Variants in AP3B2 observed in about 807,000 individuals in gnomAD.
The protein encoded by AP3B2 is adaptor related protein complex 3 subunit beta 2.
A neutral mutation model predicts 126.9 loss-of-function variants in AP3B2; 50 were observed. The ratio of observed to expected loss-of-function variants is 0.39; its 90% CI spans 0.31 to 0.50. The LOEUF (loss-of-function observed/expected upper bound fraction) is 0.50. Among genes scored for constraint, AP3B2 ranks in the 20% least tolerant of loss-of-function variants. AP3B2 has a pLI of 0.79. For synonymous variants in AP3B2, 541 were observed against 565.0 expected (o/e 0.96, Z 0.60); for missense variants, 1,177 against 1,426.4 (o/e 0.83, Z 2.82).
chr15:82,699,641 G>GCTGGCT (rs541690880), intron 1 of AP3B2: 3 of 400,012 alleles, frequency 7.5e-6, no homozygotes, highest in African/African-American at 4.1e-5. Flanking sequence ...TACCGTAGTG[G>GCTGGCT]CTGGCTCTGG....
At chr15:82,688,516 G>A (rs1678609708) in intron 4 of AP3B2, 4 of 702,834 alleles carry the variant, frequency 5.7e-6, no homozygotes, top group East Asian at 5.4e-5. Flanking sequence ...GAGAGACAGG[G>A]GCCCTGGGTA....
intron 20 of AP3B2, 71 bp downstream of exon 20, chr15:82,663,730 T>A: frequency 6.3e-7 from 1 of 1,598,248 alleles, no homozygotes; most frequent in Non-Finnish European, 8.5e-7. Flanking sequence ...GATAGATGTC[T>A]GGGCCTGGCC....
chr15:82,668,464 C>T (rs1225952599), intron 14 of AP3B2, among the ~76,000 whole-genome samples: 1 of 152,152 alleles, frequency 6.6e-6, no homozygotes, highest in Non-Finnish European at 1.5e-5. Flanking sequence ...GCTGCTGATC[C>T]CTCTTTTGGT....
chr15:82,690,642 C>CTTTTTTTTTTTTTTTTTTTTT (rs147811093), intron 1 of AP3B2, among the ~76,000 whole-genome samples: 1 of 68,926 alleles, frequency 1.5e-5, no homozygotes, highest in Non-Finnish European at 2.6e-5. Flanking sequence ...TTTTCTTCTT[C>CTTTTTTTTTTTTTTTTTTTTT]TTTTTTTTTT....
Position 82,709,712 on chromosome 15 carries a change from G to A in AP3B2, c.-6C>T, listed in dbSNP as rs1385052769. 6 of 1,472,628 alleles carry A rather than the reference G, an allele frequency of 4.1e-6. No individual in the cohort carries two copies. In the Admixed American group the frequency reaches 6.7e-5, roughly 17 times the overall value. The allele number at this position is 1,472,628 out of a possible 1,614,324, so 91.2% of individuals were successfully genotyped here. ...TAGGCGGGGGCGGCCGACATGGGGC[G>A]GCCAGGGAGACTTCGCCGAGGAGGA... On this transcript the variant is annotated 5_prime_UTR_variant, in exon 1 of 27. Transcript: ENST00000535359.
intron 14 of AP3B2, among the ~76,000 whole-genome samples, chr15:82,669,847 C>A (rs2048118518): frequency 6.8e-6 from 1 of 147,448 alleles, no homozygotes; most frequent in South Asian, 2.2e-4. Flanking sequence ...ACTAAAAATA[C>A]AAAATTAGCT....
chr15:82,671,496 T>G (rs1275031023), intron 14 of AP3B2, among the ~76,000 whole-genome samples: 1 of 152,124 alleles, frequency 6.6e-6, no homozygotes, highest in Non-Finnish European at 1.5e-5. Flanking sequence ...CCCAGCACTT[T>G]GGGAGGCCGA....
chr15:82,666,957 T>C, intron 14 of AP3B2, 24 bp from the exon 15 acceptor site: 1 of 1,597,758 alleles, frequency 6.3e-7, no homozygotes, highest in African/African-American at 1.3e-5. Flanking sequence ...AAGAGGTGGG[T>C]CAGCTGACGG....
chr15:82,697,832 G>A (rs1010938250), intron 1 of AP3B2: 5 of 152,214 alleles, frequency 3.3e-5, no homozygotes, highest in African/African-American at 1.2e-4. Context: ...GTCAGGCCAG[G>A]GCCAGAAGAC....
At chr15:82,662,316 C>G in intron 23 of AP3B2, 64 bp from the exon 24 acceptor site, 2 of 1,238,194 alleles carry the variant, frequency 1.6e-6, no homozygotes, top group Non-Finnish European at 2.3e-6. Flanking sequence ...GGTCTAGAAC[C>G]CAGCCTAGCC....
chr15:82,670,409 C>T (rs1020641940), intron 14 of AP3B2, among the ~76,000 whole-genome samples: 1 of 152,126 alleles, frequency 6.6e-6, no homozygotes, highest in African/African-American at 2.4e-5. Context: ...CACGCCTGGC[C>T]GTGAATTCAT....
intron 1 of AP3B2, among the ~76,000 whole-genome samples, chr15:82,702,039 T>C (rs2048726411): frequency 6.6e-6 from 1 of 152,216 alleles, no homozygotes; most frequent in Non-Finnish European, 1.5e-5. Context: ...CACTTTCCAC[T>C]GTTCTCTGGT....
intron 1 of AP3B2, among the ~76,000 whole-genome samples, chr15:82,704,174 G>A (rs1567277268): frequency 6.6e-6 from 1 of 152,128 alleles, no homozygotes. Context: ...CCAGTTCATG[G>A]CTCGTTGGGC....
rs1371035072 is a variant in AP3B2, at chr15:82,664,754, A to G, written c.2137+81T>C. ...GGTGCACACCCCTAGACACACAACC[A>G]TATACATATACCCCTCATATAGTCA... is the stretch of plus-strand genomic sequence containing the variant. On this transcript the variant is annotated intron_variant, in intron 18 of 26. Coordinates refer to ENST00000535359, the MANE Select transcript of AP3B2 (RefSeq NM_001278512.2). The surrounding 1 kb of genome is among the most constrained non-coding windows in gnomAD (Gnocchi z 4.5). 5.2e-6 allele frequency: 6 copies of G among 1,150,752 alleles called. No homozygotes were observed. Among genetic ancestry groups the G allele is most frequent in the African/African-American group, 1.5e-5 (1 of 65,102 alleles). The allele number at this position is 1,150,752 out of a possible 1,614,324, so 71.3% of individuals were successfully genotyped here.
chr15:82,692,745 C>G (rs375293771), intron 1 of AP3B2: 1 of 152,340 alleles, frequency 6.6e-6, no homozygotes, highest in Non-Finnish European at 1.5e-5. Context: ...AAAGCCAGAC[C>G]TGTCACTGAA....
In AP3B2 at chr15:82,659,345, G is replaced by A; in HGVS notation, c.*215C>T. On this transcript the variant is annotated 3_prime_UTR_variant, in exon 27 of 27. Coordinates refer to ENST00000535359, the MANE Select transcript of AP3B2 (RefSeq NM_001278512.2). ...CTACAGAAATCTGGGAGGACTGAAG[G>A]GAGTGGCTGCCATCTCTCTCTGCAC... The A allele has an allele frequency of 1.9e-6, 1 of 530,192 alleles. No individual in the cohort carries two copies. Among genetic ancestry groups the A allele is most frequent in the Non-Finnish European group, 3.3e-6 (1 of 302,536 alleles). 32.8% of individuals were successfully genotyped at this position (530,192 alleles called of 1,614,324 possible). A position where few individuals can be genotyped will look rare whatever the true frequency, so the allele number is the denominator to read the frequency against.
intron 1 of AP3B2, among the ~76,000 whole-genome samples, chr15:82,701,420 A>C (rs1477624623): frequency 1.3e-5 from 2 of 152,318 alleles, no homozygotes; most frequent in Admixed American, 6.5e-5. Context: ...AAGAAACAAA[A>C]AAAAAAACCC....
chr15:82,707,397 CCA>C (rs1231589559), intron 1 of AP3B2, among the ~76,000 whole-genome samples: 2 of 152,158 alleles, frequency 1.3e-5, no homozygotes, highest in African/African-American at 4.8e-5. Flanking sequence ...TTATTAGGCC[CCA>C]GTCTCATTCC....
At chr15:82,699,998 C>T in intron 1 of AP3B2, 2 of 397,852 alleles carry the variant, frequency 5.0e-6, no homozygotes. Context: ...CTCCGGTTTC[C>T]TCTTCACTGC....
Sources: allele counts gnomAD v4.1 joint callset (sites outside exome capture counted in the v4.1 genomes callset), GRCh38; gene constraint gnomAD v4.1.1; non-coding constraint Gnocchi (gnomAD v3.1); transcripts MANE v1.5; gene names NCBI Gene and HGNC (gene_info 2026-07-23, HGNC 2026-07-21).